METAP2: variants seen among roughly 807,000 people sequenced by gnomAD.
The protein encoded by METAP2 is methionine aminopeptidase 2.
METAP2 carries 25 observed loss-of-function variants against 59.4 expected under a neutral mutation model. That is an observed-to-expected ratio of 0.42 (90% CI 0.31 to 0.59). METAP2 has a LOEUF of 0.59. Ranked by LOEUF, METAP2 falls within the 20% of genes least tolerant of loss-of-function variation. The pLI is 0.16. For missense variants in METAP2, 366 were observed against 581.2 expected (o/e 0.63, Z 3.81); for synonymous variants, 214 against 194.1 (o/e 1.10, Z -0.85).
At chr12:95,507,658 C>A (rs12146719) in intron 8 of METAP2, among the ~76,000 whole-genome samples, 6,927 of 152,352 alleles carry the variant, frequency 0.045, 218 homozygotes, top group Non-Finnish European at 0.067. Flanking sequence ...TGAGATACCA[C>A]CTTATTACGC....
chr12:95,515,006 CACT>C lies in METAP2; in HGVS notation c.*1106_*1108del, dbSNP rs2076436350. On this transcript the variant is annotated 3_prime_UTR_variant, in exon 11 of 11. Coordinates refer to ENST00000323666, the MANE Select transcript of METAP2 (RefSeq NM_006838.4). The stretch of plus-strand genomic sequence containing the variant: ...ATATTAATTTGTTTGAACTGAGGCC[CACT>C]ACTGATTCTTTGACAAATTGAATTC... The C allele has an allele frequency of 6.6e-6, 1 of 152,586 alleles. No individual in the cohort carries two copies. Among genetic ancestry groups the C allele is most frequent in the Non-Finnish European group, 1.5e-5 (1 of 68,026 alleles). 9.5% of individuals were successfully genotyped at this position (152,586 alleles called of 1,614,324 possible). A position where few individuals can be genotyped will look rare whatever the true frequency, so the allele number is the denominator to read the frequency against.
chr12:95,505,468 G>A (rs1214953887), intron 8 of METAP2, among the ~76,000 whole-genome samples: 1 of 151,438 alleles, frequency 6.6e-6, no homozygotes, highest in Non-Finnish European at 1.5e-5. Context: ...GGGATTACAG[G>A]TGCCCACCAC....
chr12:95,497,425 CTAAA>C (rs2076283584), intron 7 of METAP2, among the ~76,000 whole-genome samples: 1 of 152,208 alleles, frequency 6.6e-6, no homozygotes, highest in African/African-American at 2.4e-5. Flanking sequence ...TTCCTTAAGG[CTAAA>C]TAATCTATTG....
At chr12:95,483,133 C>T (rs2140141314) in intron 2 of METAP2, 82 bp from the exon 3 acceptor site, 2 of 1,005,526 alleles carry the variant, frequency 2.0e-6, no homozygotes, top group East Asian at 2.4e-5. Flanking sequence ...TTGAATAGAG[C>T]AAATACTTGT....
chr12:95,490,272 GTTT>G (rs530529363), intron 4 of METAP2, among the ~76,000 whole-genome samples: 1 of 127,334 alleles, frequency 7.9e-6, no homozygotes. Flanking sequence ...CGGCATAGTA[GTTT>G]TTTTTTTTTT....
intron 4 of METAP2, among the ~76,000 whole-genome samples, chr12:95,487,751 G>A (rs2076208172): frequency 6.6e-6 from 1 of 152,032 alleles, no homozygotes; most frequent in Non-Finnish European, 1.5e-5. Context: ...TTACAAAAAT[G>A]GAATCATAGG....
At chr12:95,474,798 C>G (rs1211928711) in intron 1 of METAP2, among the ~76,000 whole-genome samples, 1 of 152,160 alleles carries the variant, frequency 6.6e-6, no homozygotes, top group Non-Finnish European at 1.5e-5. Context: ...GAGCACACCT[C>G]CTCCCACTAT....
Position 95,476,101 on chromosome 12 carries a change from G to C in METAP2, c.182G>C (p.Gly61Ala). Residue 61 changes from glycine to alanine, a missense_variant, in exon 2 of 11, where the codon GGA (glycine) becomes GCA (alanine). Gly to Ala is a moderately conservative substitution (Grantham distance 60). Around this residue, in one of 4 missense-constraint regions of METAP2, gnomAD observed 177 missense variants for 180.3 expected, o/e 0.98. Transcript: ENST00000323666. ...AGEQEPDKES[G>A]ASVDEVARQL... ...GAACAGGAACCTGATAAAGAATCAGGAGCCTCAGTGGATGAAGTAGCAAGA... is the reference window on the plus strand; with the variant it reads ...GAACAGGAACCTGATAAAGAATCAGCAGCCTCAGTGGATGAAGTAGCAAGA... 1 of 1,611,066 alleles carries C rather than the reference G, an allele frequency of 6.2e-7. No homozygotes were observed. Among genetic ancestry groups the C allele is most frequent in the Non-Finnish European group, 8.5e-7 (1 of 1,178,808 alleles).
chr12:95,483,446 A>T, intron 3 of METAP2, 166 bp downstream of exon 3: 1 of 368,830 alleles, frequency 2.7e-6, no homozygotes, highest in Non-Finnish European at 5.0e-6. Flanking sequence ...ACTGCACTGC[A>T]GCCTGGGCAA....
At chr12:95,513,231 A>G (rs2140169631) in intron 10 of METAP2, among the ~76,000 whole-genome samples, 1 of 152,088 alleles carries the variant, frequency 6.6e-6, no homozygotes, top group South Asian at 2.1e-4. Flanking sequence ...CCATTGGTAA[A>G]CTTCCATTTA....
At chr12:95,490,570 T>A (rs2076230472) in intron 4 of METAP2, among the ~76,000 whole-genome samples, 1 of 145,002 alleles carries the variant, frequency 6.9e-6, no homozygotes, top group African/African-American at 2.6e-5. Context: ...GCCTGTATTT[T>A]TTTTTTTTTT....
chr12:95,480,780 A>G (rs548726908), intron 2 of METAP2, among the ~76,000 whole-genome samples: 6 of 152,320 alleles, frequency 3.9e-5, no homozygotes, highest in South Asian at 4.1e-4. Context: ...TGTTTTACAG[A>G]TATTTCTATG....
At chr12:95,491,599 C>T (rs565342823) in intron 4 of METAP2, among the ~76,000 whole-genome samples, 2 of 150,562 alleles carry the variant, frequency 1.3e-5, no homozygotes, top group Admixed American at 1.3e-4. Context: ...CAACCTCTGC[C>T]TCCCAGGCTC....
chr12:95,484,721 TCTGCTTAGTATCAAGGATAA>T, intron 3 of METAP2: 3 of 368,862 alleles, frequency 8.1e-6, no homozygotes, highest in Non-Finnish European at 1.6e-5. Flanking sequence ...CTTTTTTTTT[TCTGCTTAGTATCAAGGATAA>T]TTGTGTTTTT....
At position 95,494,121 on chromosome 12, in the gene METAP2, T is replaced by C; in HGVS notation, c.494T>C (p.Ile165Thr). 1.9e-6 allele frequency: 3 copies of C among 1,613,954 alleles called. No homozygotes were observed. The highest frequency in any genetic ancestry group is 2.5e-6 in the Non-Finnish European group (3 of 1,179,908). ...KKALDQASEEIWNDFREAAEA... is the reference protein window; with the variant it reads ...KKALDQASEETWNDFREAAEA... ...GCATTAGATCAGGCAAGTGAAGAGATTTGGAATGATTTTCGAGAAGCTGCA... is the reference window on the plus strand; with the variant it reads ...GCATTAGATCAGGCAAGTGAAGAGACTTGGAATGATTTTCGAGAAGCTGCA... The change falls in exon 5 of 11, where the codon ATT becomes ACT. Residue 165 changes from isoleucine to threonine, a missense_variant. Physicochemically the swap from Ile to Thr is moderately conservative, Grantham distance 89. Coordinates refer to ENST00000323666, the MANE Select transcript of METAP2 (RefSeq NM_006838.4).
At chr12:95,487,576 A>G (rs1195030831) in intron 4 of METAP2, among the ~76,000 whole-genome samples, 1 of 148,576 alleles carries the variant, frequency 6.7e-6, no homozygotes, top group East Asian at 2.0e-4. Flanking sequence ...ATTTATTTTT[A>G]AATATAATCT....
chr12:95,502,564 C>G (rs1354790583), intron 7 of METAP2, among the ~76,000 whole-genome samples: 1 of 151,718 alleles, frequency 6.6e-6, no homozygotes, highest in East Asian at 1.9e-4. Flanking sequence ...GGGGGGGTTT[C>G]TTTGAGTTCA....
Position 95,501,708 on chromosome 12 carries a change from C to T in METAP2, c.868-2357C>T, listed in dbSNP as rs540146855. On this transcript the variant is annotated intron_variant, in intron 7 of 10. Coordinates refer to ENST00000323666, the MANE Select transcript of METAP2 (RefSeq NM_006838.4). ...CCAGCCTGGCGACAGAGCAAAACTC[C>T]GTTTCAAAAAGAAAAAAAAAAAAAG... Among the ~76,000 whole-genome samples, 60 of 149,534 alleles carry T rather than the reference C, an allele frequency of 4.0e-4. 1 individual carries two copies. In the South Asian group the frequency reaches 8.9e-3, roughly 22 times the overall value.
rs761589608 is a variant in METAP2, at chr12:95,512,806, A to G, written c.1074A>G (p.Gly358=). 4 of 1,577,922 alleles carry G rather than the reference A, an allele frequency of 2.5e-6. No homozygotes were observed. The South Asian group carries it at 4.5e-5, about 18-fold the overall frequency. The change falls in exon 10 of 11, where the codon GGA becomes GGG. Residue 358 remains glycine (G), a synonymous_variant. Transcript: ENST00000323666. The stretch of plus-strand genomic sequence containing the variant: ...GACCCTTATTTATTTTTCAGGAAGG[A>G]GAAGTATATGCAATTGAAACCTTTG... ...KGGEATRMEE[G]EVYAIETFGS...
Sources: allele counts gnomAD v4.1 joint callset (sites outside exome capture counted in the v4.1 genomes callset), GRCh38; gene constraint gnomAD v4.1.1; regional missense constraint gnomAD v4.1.1; transcripts MANE v1.5; gene names NCBI Gene and HGNC (gene_info 2026-07-23, HGNC 2026-07-21).